The following MTARC1 variants were observed in gnomAD, a reference collection of about 807,000 sequenced individuals.
The protein encoded by MTARC1 is mitochondrial amidoxime-reducing component 1.
Under a neutral mutation model 33.6 loss-of-function variants are expected in MTARC1, and 24 were observed. The observed-to-expected ratio is 0.72, with a 90% CI of 0.52 to 1.01. The LOEUF (loss-of-function observed/expected upper bound fraction) is 1.01. MTARC1 is among the 50% of genes least tolerant of loss of function. MTARC1 has a pLI of 0.00. For synonymous variants in MTARC1, 187 were observed against 189.5 expected (o/e 0.99, Z 0.11); for missense variants, 417 against 445.7 (o/e 0.94, Z 0.58).
At chr1:220,808,313 A>AC (rs1201640480) in intron 6 of MTARC1, among the ~76,000 whole-genome samples, 1 of 151,536 alleles carries the variant, frequency 6.6e-6, no homozygotes, top group Non-Finnish European at 1.5e-5. Context: ...GAGCCAGCAC[A>AC]CCCCCCTGAT....
chr1:220,797,430 T>C (rs1262363859), intron 3 of MTARC1, among the ~76,000 whole-genome samples: 1 of 152,188 alleles, frequency 6.6e-6, no homozygotes, highest in Non-Finnish European at 1.5e-5. Context: ...TCTCAAAATA[T>C]ATAAATAAAG....
intron 2 of MTARC1, among the ~76,000 whole-genome samples, chr1:220,792,607 A>G (rs1189149173): frequency 2.0e-5 from 3 of 151,820 alleles, no homozygotes; most frequent in African/African-American, 7.2e-5. Flanking sequence ...TTTTCAGATT[A>G]GAAAAGTGGT....
chr1:220,794,056 A>G (rs1023326480), intron 2 of MTARC1: 1 of 152,206 alleles, frequency 6.6e-6, no homozygotes, highest in African/African-American at 2.4e-5. Context: ...ATGGCCCAAG[A>G]TAGATGCAAA....
At position 220,814,025 on chromosome 1, in the gene MTARC1, G is replaced by C. The variant is rs1673220593; in HGVS notation, c.*607G>C. 1 of 154,072 alleles carries C rather than the reference G, an allele frequency of 6.5e-6. No homozygotes were observed. The highest frequency in any genetic ancestry group is 6.4e-5 in the Admixed American group (1 of 15,638). The allele number at this position is 154,072 out of a possible 1,614,324, so 9.5% of individuals were successfully genotyped here. A position where few individuals can be genotyped will look rare whatever the true frequency, so the allele number is the denominator to read the frequency against. On this transcript the variant is annotated 3_prime_UTR_variant, in exon 7 of 7. Transcript: ENST00000366910. ...CCCTGCTGCTTCTCAGACAGCATTG[G>C]ATTTCCTAAAGGTGCTCAGGAGGAT...
chr1:220,798,274 A>T, intron 4 of MTARC1: 5 of 1,376,684 alleles, frequency 3.6e-6, no homozygotes, highest in Non-Finnish European at 4.7e-6. Flanking sequence ...CTGAGTTGAC[A>T]GGTTCGTTGT....
At chr1:220,792,181 G>A (rs1313889107) in intron 2 of MTARC1, among the ~76,000 whole-genome samples, 1 of 152,192 alleles carries the variant, frequency 6.6e-6, no homozygotes. Context: ...AGCTAGAAGA[G>A]TGATCCAGCC....
intron 2 of MTARC1, among the ~76,000 whole-genome samples, chr1:220,795,144 A>C (rs1672568032): frequency 1.3e-5 from 2 of 152,208 alleles, no homozygotes; most frequent in Non-Finnish European, 2.9e-5. Context: ...TAACTATACA[A>C]AGATAGCTTG....
At chr1:220,801,103 A>C (rs956864414) in intron 4 of MTARC1, among the ~76,000 whole-genome samples, 1 of 152,060 alleles carries the variant, frequency 6.6e-6, no homozygotes, top group Admixed American at 6.5e-5. Context: ...ACCTTTCTTC[A>C]AGTAAAAGAT....
chr1:220,818,394 T>A lies in MTARC1; in HGVS notation c.*4976T>A, dbSNP rs779613390. On this transcript the variant is annotated 3_prime_UTR_variant, in exon 7 of 7. Transcript: ENST00000366910. Reference sequence around the variant, plus strand: ...TAAAGTAACAAAAAGGACTGAGAAGTGACTTCCCATTCAGCCTCTTCCAAG... The same window carrying A: ...TAAAGTAACAAAAAGGACTGAGAAGAGACTTCCCATTCAGCCTCTTCCAAG... The A allele has an allele frequency of 2.0e-5, 3 of 152,248 alleles. No individual in the cohort carries two copies. The highest frequency in any genetic ancestry group is 2.0e-4 in the Admixed American group (3 of 15,292). 9.4% of individuals were successfully genotyped at this position (152,248 alleles called of 1,614,324 possible). A position where few individuals can be genotyped will look rare whatever the true frequency, so the allele number is the denominator to read the frequency against.
rs1673279109 is a variant in MTARC1 at position 220,816,311 on chromosome 1, G to C, written c.*2893G>C. The C allele has an allele frequency of 6.6e-6, 1 of 152,230 alleles. No individual in the cohort carries two copies. The highest frequency in any genetic ancestry group is 1.5e-5 in the Non-Finnish European group (1 of 68,050). The allele number at this position is 152,230 out of a possible 1,614,324, so 9.4% of individuals were successfully genotyped here. ...AGTGTATCAAATTAAAGCAACCCATGATGGTGGAGAACAGATACATTAAAG... is the reference window on the plus strand; with the variant it reads ...AGTGTATCAAATTAAAGCAACCCATCATGGTGGAGAACAGATACATTAAAG... On this transcript the variant is annotated 3_prime_UTR_variant, in exon 7 of 7. Coordinates refer to ENST00000366910, the MANE Select transcript of MTARC1 (RefSeq NM_022746.4).
At position 220,791,623 on chromosome 1, in the gene MTARC1, GC is replaced by G. The variant is rs1211282051; in HGVS notation, c.410del (p.Pro137LeufsTer20). The G allele has an allele frequency of 6.2e-7, 1 of 1,614,104 alleles. No homozygotes were observed. On this transcript the variant is annotated frameshift_variant, in exon 2 of 7. Transcript: ENST00000366910. LOFTEE classifies it high-confidence loss of function. ...SAAYTKDLLL[P>X]IKTPTTNAVH... ...CAGCCTACACAAAGGACCTACTACT[GC>G]CTATCAAAACGCCCACCACAAATGC...
intron 6 of MTARC1, among the ~76,000 whole-genome samples, chr1:220,810,609 A>T (rs992402380): frequency 3.3e-5 from 5 of 152,174 alleles, no homozygotes; most frequent in African/African-American, 1.2e-4. Context: ...CTGTGCCGAG[A>T]GGGGCAGCCG....
intron 2 of MTARC1, 94 bp from the exon 3 acceptor site, chr1:220,796,549 C>T: frequency 7.4e-7 from 1 of 1,360,254 alleles, no homozygotes. Flanking sequence ...AGTAATGTTA[C>T]AGCTAGGAGC....
chr1:220,791,238 C>T, intron 1 of MTARC1: 1 of 331,836 alleles, frequency 3.0e-6, no homozygotes, highest in Non-Finnish European at 5.5e-6. Context: ...GATTTCTGTG[C>T]CATCAAAGAG....
intron 1 of MTARC1, among the ~76,000 whole-genome samples, chr1:220,788,517 G>C (rs1233247761): frequency 1.3e-5 from 2 of 152,136 alleles, no homozygotes; most frequent in Admixed American, 6.5e-5. Context: ...GGCCAGGCGC[G>C]GTGGCTCACT....
chr1:220,794,270 T>A (rs1672531395), intron 2 of MTARC1: 1 of 38,724 alleles, frequency 2.6e-5, no homozygotes. Context: ...AGGAGGGTGA[T>A]TTTTTTTTTT....
At position 220,817,470 on chromosome 1, in the gene MTARC1, CTGCTGATTGCTCCATTTTACAGAG is replaced by C. The variant is rs1403601568; in HGVS notation, c.*4062_*4085del. On this transcript the variant is annotated 3_prime_UTR_variant, in exon 7 of 7. Transcript: ENST00000366910. ...TCCCTTATTTGTCCCTGCCCATGTC[CTGCTGATTGCTCCATTTTACAGAG>C]TGCTGATTGGTCCATTTTACAGAGT... The C allele has an allele frequency of 6.6e-6, 1 of 152,244 alleles. No individual in the cohort carries two copies. The highest frequency in any genetic ancestry group is 2.4e-5 in the African/African-American group (1 of 41,438). 9.4% of individuals were successfully genotyped at this position (152,244 alleles called of 1,614,324 possible).
chr1:220,800,133 G>A (rs1029724696), intron 4 of MTARC1, among the ~76,000 whole-genome samples: 2 of 152,084 alleles, frequency 1.3e-5, no homozygotes, highest in Admixed American at 6.5e-5. Context: ...AGAGGAGATG[G>A]CCCAGAGTAG....
chr1:220,808,020 T>A (rs1044492762), intron 6 of MTARC1, among the ~76,000 whole-genome samples: 9 of 152,128 alleles, frequency 5.9e-5, no homozygotes, highest in Non-Finnish European at 8.8e-5. Context: ...AATAGATGAT[T>A]CTGTGTAAAT....
Sources: gnomAD v4.1 joint callset for allele counts (sites outside exome capture counted in the v4.1 genomes callset) on GRCh38, gnomAD v4.1.1 for gene constraint, MANE v1.5 for transcripts, NCBI Gene and HGNC (gene_info 2026-07-23, HGNC 2026-07-21) for gene names.